GYS2: variants seen among roughly 807,000 people sequenced by gnomAD.
GYS2 encodes glycogen synthase 2.
In GYS2, 80 loss-of-function variants were observed where a neutral mutation model predicts 85.6. That is an observed-to-expected ratio of 0.93 (90% confidence interval 0.78 to 1.13). The LOEUF is 1.13. GYS2 is among the 50% of genes most tolerant of loss of function. GYS2 has a pLI of 0.00. For synonymous variants in GYS2, 328 were observed against 300.7 expected (o/e 1.09, Z -0.94); for missense variants, 881 against 854.9 (o/e 1.03, Z -0.38).
In GYS2 at chr12:21,567,423, G is replaced by A. The variant is rs556600897; in HGVS notation, c.823+1442C>T. On this transcript the variant is annotated intron_variant, in intron 5 of 15. Coordinates refer to ENST00000261195, the MANE Select transcript of GYS2 (RefSeq NM_021957.4). ...TGGAATAAACTCCCAAAAGAAGAAT[G>A]AGAGTAAGAATCCAAGCGAATTCAA... 3.3e-5 allele frequency among the ~76,000 whole-genome samples: 5 copies of A among 152,126 alleles called. 1 individual carries two copies. The East Asian group carries it at 9.7e-4, about 29-fold the overall frequency.
chr12:21,595,195 A>T (rs1944681733), intron 1 of GYS2, among the ~76,000 whole-genome samples: 1 of 152,220 alleles, frequency 6.6e-6, no homozygotes, highest in South Asian at 2.1e-4. Flanking sequence ...TCAGATGGAC[A>T]GAGCAGCATG....
chr12:21,546,915 A>G (rs1944048127), intron 11 of GYS2, among the ~76,000 whole-genome samples: 2 of 152,318 alleles, frequency 1.3e-5, no homozygotes, highest in Middle Eastern at 3.4e-3. Flanking sequence ...TTCAACTGAA[A>G]TGGAACTAAG....
chr12:21,584,269 A>G (rs1173582157), intron 1 of GYS2, among the ~76,000 whole-genome samples: 1 of 152,226 alleles, frequency 6.6e-6, no homozygotes, highest in African/African-American at 2.4e-5. Flanking sequence ...GGGACTTGGA[A>G]AAAGCATGAC....
At chr12:21,593,281 G>T (rs1435709883) in intron 1 of GYS2, among the ~76,000 whole-genome samples, 1 of 125,760 alleles carries the variant, frequency 8.0e-6, no homozygotes, top group Non-Finnish European at 1.7e-5. Context: ...AAGAACAGAA[G>T]AACTTAATGA....
downstream of GYS2, among the ~76,000 whole-genome samples, chr12:21,535,455 G>A (rs372956329): frequency 2.6e-5 from 4 of 152,064 alleles, no homozygotes; most frequent in Admixed American, 6.6e-5. Flanking sequence ...GCAGATGCTC[G>A]GTTAATTGGC....
At chr12:21,533,384 G>A (rs1412971584), downstream of GYS2, among the ~76,000 whole-genome samples, 1 of 152,188 alleles carries the variant, frequency 6.6e-6, no homozygotes, top group African/African-American at 2.4e-5. Context: ...ATGAAAATGT[G>A]TATCTTACAA....
chr12:21,577,308 G>A (rs1272649029), intron 2 of GYS2, among the ~76,000 whole-genome samples: 2 of 152,198 alleles, frequency 1.3e-5, no homozygotes, highest in East Asian at 3.9e-4. Flanking sequence ...TTTACTGACT[G>A]CCTAATATGT....
chr12:21,537,105 G>A lies in GYS2; in HGVS notation c.1961C>T (p.Pro654Leu). Residue 654 changes from proline (P) to leucine (L), a missense_variant, in exon 16 of 16, where the codon CCT becomes CTT. Pro to Leu is a moderately conservative substitution (Grantham distance 98). Transcript: ENST00000261195. The stretch of plus-strand genomic sequence containing the variant: ...TTCATCTTCCACATCACTGCTCTGA[G>A]GACTGGAGGCCTGAGACCCTGAAGG... ...PSPSGSQASSPQSSDVEDEVE... is the reference protein window; with the variant it reads ...PSPSGSQASSLQSSDVEDEVE... 1 of 1,613,808 alleles carries A rather than the reference G, an allele frequency of 6.2e-7. No homozygotes were observed. Among genetic ancestry groups the A allele is most frequent in the Non-Finnish European group, 8.5e-7 (1 of 1,179,836 alleles).
chr12:21,589,096 T>C (rs1944605724), intron 1 of GYS2, among the ~76,000 whole-genome samples: 1 of 152,250 alleles, frequency 6.6e-6, no homozygotes, highest in South Asian at 2.1e-4. Context: ...TATTTACATT[T>C]TTTATCCTTG....
At chr12:21,562,668 G>T (rs1944268464) in intron 7 of GYS2, among the ~76,000 whole-genome samples, 1 of 106,438 alleles carries the variant, frequency 9.4e-6, no homozygotes, top group African/African-American at 3.8e-5. Context: ...AGCTTAATGA[G>T]ACATATAATG....
At chr12:21,569,934 C>T (rs1303177111) in intron 4 of GYS2, among the ~76,000 whole-genome samples, 3 of 152,134 alleles carry the variant, frequency 2.0e-5, no homozygotes, top group Admixed American at 1.3e-4. Context: ...GGTCACATTG[C>T]TATTAAGAAT....
chr12:21,571,832 C>G (rs888631861), intron 4 of GYS2, among the ~76,000 whole-genome samples: 2 of 151,852 alleles, frequency 1.3e-5, no homozygotes, highest in Admixed American at 6.6e-5. Flanking sequence ...TGTGGTTGTG[C>G]GTGCCTGTAG....
At chr12:21,543,536 C>T (rs1284787497) in intron 12 of GYS2, among the ~76,000 whole-genome samples, 1 of 152,088 alleles carries the variant, frequency 6.6e-6, no homozygotes, top group Non-Finnish European at 1.5e-5. Context: ...GACTCAGCTC[C>T]ACCTTCTATG....
Position 21,574,336 on chromosome 12 carries a change from G to GAA in GYS2, c.496-12_496-11dup. 1 of 1,589,642 alleles carries GAA rather than the reference G, an allele frequency of 6.3e-7. No homozygotes were observed. The highest frequency in any genetic ancestry group is 8.6e-7 in the Non-Finnish European group (1 of 1,162,222). On this transcript the variant is annotated splice_polypyrimidine_tract_variant and intron_variant, in intron 3 of 15. Transcript: ENST00000261195. ...CTGCATGATCTGTCACCTACATTAG[G>GAA]AAAAAAAAAGCATTCAGAAAAGTTG...
chr12:21,557,233 G>C (rs1404047619), intron 11 of GYS2, among the ~76,000 whole-genome samples: 3 of 152,188 alleles, frequency 2.0e-5, no homozygotes, highest in Non-Finnish European at 1.5e-5. Flanking sequence ...ATGGAGCTTA[G>C]TAGAGGTAAG....
At chr12:21,583,591 G>A (rs919085880) in intron 1 of GYS2, among the ~76,000 whole-genome samples, 2 of 152,196 alleles carry the variant, frequency 1.3e-5, no homozygotes, top group African/African-American at 2.4e-5. Context: ...GCTGTTTGGA[G>A]CATTTGGCAG....
At position 21,558,229 on chromosome 12, in the gene GYS2, G is replaced by A; in HGVS notation, c.1393C>T (p.Leu465Phe). 1 of 1,612,724 alleles carries A rather than the reference G, an allele frequency of 6.2e-7. No homozygotes were observed. Among genetic ancestry groups the A allele is most frequent in the Middle Eastern group, 1.7e-4 (1 of 6,060 alleles). Residue 465 changes from leucine to phenylalanine, a missense_variant, in exon 11 of 16, where the codon CTT becomes TTT. By Grantham distance (22) the Leu-to-Phe change is conservative. Coordinates refer to ENST00000261195, the MANE Select transcript of GYS2 (RefSeq NM_021957.4). The stretch of plus-strand genomic sequence containing the variant: ...ACTCTATCTGTGCGGTTGTTGAAAA[G>A]TCCAATCCGTCTAATGGTGCTGAGG... ...PILSTIRRIG[L>F]FNNRTDRVKV... is the part of the protein sequence containing the mutation.
At chr12:21,590,418 G>A (rs976905471) in intron 1 of GYS2, among the ~76,000 whole-genome samples, 3 of 152,060 alleles carry the variant, frequency 2.0e-5, no homozygotes, top group Non-Finnish European at 4.4e-5. Flanking sequence ...CCTGATGATG[G>A]GCCTACCCAA....
chr12:21,537,315 T>G, intron 15 of GYS2, 140 bp from the exon 16 acceptor site: 1 of 687,972 alleles, frequency 1.5e-6, no homozygotes, highest in Non-Finnish European at 2.6e-6. Flanking sequence ...TTGATTCATT[T>G]TGATTTTGAT....
Sources: allele counts gnomAD v4.1 joint callset (sites outside exome capture counted in the v4.1 genomes callset), GRCh38; gene constraint gnomAD v4.1.1; transcripts MANE v1.5; gene names NCBI Gene and HGNC (gene_info 2026-07-23, HGNC 2026-07-21).